Variants in ATAD2 observed in about 807,000 individuals in gnomAD.
ATAD2 encodes the protein ATPase family AAA domain-containing protein 2.
ATAD2 carries 62 observed loss-of-function variants against 168.9 expected under a neutral mutation model. That is an observed-to-expected ratio of 0.37 (90% CI 0.30 to 0.45). The LOEUF is 0.45. Ranked by LOEUF, ATAD2 falls within the 20% of genes least tolerant of loss-of-function variation. ATAD2 has a pLI of 1.00. For synonymous variants in ATAD2, 613 were observed against 571.6 expected (o/e 1.07, Z -1.03); for missense variants, 1,419 against 1,667.8 (o/e 0.85, Z 2.60).
chr8:123,326,284 A>G (rs540380526), intron 25 of ATAD2, among the ~76,000 whole-genome samples: 2 of 152,274 alleles, frequency 1.3e-5, no homozygotes, highest in South Asian at 4.1e-4. Flanking sequence ...CTACTTGAGC[A>G]CAAGACACAC....
chr8:123,378,616 C>T (rs1163825287), intron 2 of ATAD2, among the ~76,000 whole-genome samples: 3 of 142,754 alleles, frequency 2.1e-5, no homozygotes, highest in South Asian at 2.3e-4. Flanking sequence ...GCAGGAGGAT[C>T]GCTTGAACCT....
At chr8:123,363,218 G>A (rs140910153) in intron 8 of ATAD2, among the ~76,000 whole-genome samples, 1 of 152,212 alleles carries the variant, frequency 6.6e-6, no homozygotes, top group African/African-American at 2.4e-5. Flanking sequence ...AAAAAAACTC[G>A]GAAGTTATTC....
chr8:123,342,552 A>G (rs1828093955), intron 19 of ATAD2: 1 of 152,222 alleles, frequency 6.6e-6, no homozygotes, highest in African/African-American at 2.4e-5. Context: ...CAAAGGTAAC[A>G]AAAAGAACTG....
intron 1 of ATAD2, 65 bp from the exon 2 acceptor site, chr8:123,380,742 A>C: frequency 6.6e-7 from 1 of 1,525,668 alleles, no homozygotes; most frequent in Non-Finnish European, 8.9e-7. Flanking sequence ...AAATTCCTCC[A>C]AAGAGTATTC....
chr8:123,323,163 A>G (rs1039192242), intron 26 of ATAD2, 97 bp from the exon 27 acceptor site: 2 of 1,346,236 alleles, frequency 1.5e-6, no homozygotes, highest in Non-Finnish European at 2.0e-6. Context: ...CAAGCCTGAC[A>G]GAGGGTAGAC....
In ATAD2 at chr8:123,361,562, C is replaced by T. The variant is rs1403389918; in HGVS notation, c.1134G>A (p.Arg378=). 2.5e-6 allele frequency: 4 copies of T among 1,613,262 alleles called. No individual in the cohort carries two copies. The highest frequency in any genetic ancestry group is 3.4e-6 in the Non-Finnish European group (4 of 1,179,492). Residue 378 remains arginine, a synonymous_variant, in exon 9 of 28, where the codon AGG becomes AGA. Coordinates refer to ENST00000287394, the MANE Select transcript of ATAD2 (RefSeq NM_014109.4). ...ACCTATTGATAGCCCTATTACGACTCCTTTTCCTCCGCCTCTCAAAGTGCT... is the reference window on the plus strand; with the variant it reads ...ACCTATTGATAGCCCTATTACGACTTCTTTTCCTCCGCCTCTCAAAGTGCT... ...DEQHFERRRK[R]SRNRAINRCL... is the part of the protein sequence containing the mutation.
At chr8:123,349,930 AC>A (rs1182006642) in intron 13 of ATAD2, among the ~76,000 whole-genome samples, 1 of 151,630 alleles carries the variant, frequency 6.6e-6, no homozygotes, top group Non-Finnish European at 1.5e-5. Flanking sequence ...CTGTAGTCCT[AC>A]TACTTGGGAA....
intron 1 of ATAD2, chr8:123,401,699 G>T: frequency 1.3e-6 from 1 of 747,712 alleles, no homozygotes. Flanking sequence ...CAAGGTGCCG[G>T]CCCTTGGTGC....
Position 123,333,916 on chromosome 8 carries a change from A to G in ATAD2, c.3440T>C (p.Leu1147Pro), listed in dbSNP as rs113362552. Reference protein sequence around the residue: ...KRSDPEQNEKLKTPSTPVACS... With the variant: ...KRSDPEQNEKPKTPSTPVACS... ...AGCCACAGGAGTACTCGGTGTCTTT[A>G]GCTTTTCATTCTGCTCTGGGTCTGA... Residue 1147 changes from leucine (L) to proline (P), a missense_variant, in exon 24 of 28, where the codon CTA becomes CCA. Coordinates refer to ENST00000287394, the MANE Select transcript of ATAD2 (RefSeq NM_014109.4). The G allele has an allele frequency of 2.6e-4, 412 of 1,614,130 alleles. 2 individuals carry two copies. In the African/African-American group the frequency reaches 4.8e-3, roughly 19 times the overall value.
At chr8:123,411,749 T>A (rs557812053) in intron 1 of ATAD2, among the ~76,000 whole-genome samples, 9 of 151,952 alleles carry the variant, frequency 5.9e-5, no homozygotes, top group Admixed American at 3.3e-4. Flanking sequence ...TTCAATCTAT[T>A]AAATCTTGCA....
At chr8:123,381,344 C>G (rs888895527) in intron 1 of ATAD2, among the ~76,000 whole-genome samples, 85 of 151,860 alleles carry the variant, frequency 5.6e-4, no homozygotes, top group Non-Finnish European at 1.3e-4. Flanking sequence ...ACTAAAATTG[C>G]AAAAAAATTA....
intron 26 of ATAD2, among the ~76,000 whole-genome samples, chr8:123,325,370 C>T (rs1045763108): frequency 1.3e-5 from 2 of 151,908 alleles, no homozygotes; most frequent in Admixed American, 6.6e-5. Flanking sequence ...GCAAGCTCCA[C>T]CTCCTGGGTT....
rs1334357045 is a variant in ATAD2 at position 123,406,836 on chromosome 8, A to T, written c.-2281-5661T>A. The stretch of plus-strand genomic sequence containing the variant: ...TGTCTCAAAAAAAAAAAAAAAAAAA[A>T]TTACCACACTGGCTTTAGCTTTTGG... On this transcript the variant is annotated intron_variant, in intron 1 of 28. Transcript: ENST00000521903. Among the ~76,000 whole-genome samples, 26 of 146,772 alleles carry T rather than the reference A, an allele frequency of 1.8e-4. 1 individual carries two copies. The highest frequency in any genetic ancestry group is 1.8e-3 in the Admixed American group (26 of 14,696).
At chr8:123,360,427 C>T (rs538925600) in intron 9 of ATAD2, among the ~76,000 whole-genome samples, 3 of 151,440 alleles carry the variant, frequency 2.0e-5, no homozygotes, top group South Asian at 2.1e-4. Flanking sequence ...CTGCAATCTT[C>T]GCCTCCTGGG....
At chr8:123,351,326 A>G (rs1431917998) in intron 13 of ATAD2, among the ~76,000 whole-genome samples, 1 of 152,138 alleles carries the variant, frequency 6.6e-6, no homozygotes, top group Non-Finnish European at 1.5e-5. Context: ...CCAGATAATT[A>G]TTTGTTGTGG....
chr8:123,325,383 C>T (rs28390327), intron 26 of ATAD2, among the ~76,000 whole-genome samples: 5,860 of 151,706 alleles, frequency 0.039, 177 homozygotes, highest in Non-Finnish European at 0.059. Flanking sequence ...CCTGGGTTCA[C>T]GCCATTCTCC....
chr8:123,332,890 C>A (rs1327896604), intron 24 of ATAD2, among the ~76,000 whole-genome samples: 1 of 152,056 alleles, frequency 6.6e-6, no homozygotes, highest in Non-Finnish European at 1.5e-5. Flanking sequence ...TGTCAGCATT[C>A]TGGTAGTGAA....
chr8:123,359,385 A>G (rs755642990), intron 10 of ATAD2, 49 bp from the exon 11 acceptor site: 6 of 1,401,374 alleles, frequency 4.3e-6, no homozygotes, highest in Non-Finnish European at 6.0e-6. Flanking sequence ...AGTCCAGATT[A>G]AAATGTCACC....
intron 1 of ATAD2, chr8:123,380,917 T>A: frequency 2.2e-6 from 1 of 445,982 alleles, no homozygotes; most frequent in Non-Finnish European, 4.0e-6. Flanking sequence ...TCATAACAAG[T>A]AGTTCATAAC....
Sources: gnomAD v4.1 joint callset for allele counts (sites outside exome capture counted in the v4.1 genomes callset) on GRCh38, gnomAD v4.1.1 for gene constraint, MANE v1.5 for transcripts, NCBI Gene and HGNC (gene_info 2026-07-23, HGNC 2026-07-21) for gene names.